Variants in FAM13A observed in about 807,000 individuals in gnomAD.
The protein encoded by FAM13A is protein FAM13A.
In FAM13A, 76 loss-of-function variants were observed where a neutral mutation model predicts 129.6. The ratio of observed to expected loss-of-function variants is 0.59; its 90% CI spans 0.49 to 0.71. The LOEUF (loss-of-function observed/expected upper bound fraction) is 0.71, where lower values mean the gene tolerates loss of function less well. Among genes scored for constraint, FAM13A ranks in the 30% least tolerant of loss-of-function variants. The pLI is 0.00. For missense variants in FAM13A, 1,108 were observed against 1,249.3 expected (o/e 0.89, Z 1.70); for synonymous variants, 443 against 449.9 (o/e 0.98, Z 0.20).
intron 7 of FAM13A, 69 bp downstream of exon 7, chr4:88,850,951 C>T: frequency 7.2e-7 from 1 of 1,385,768 alleles, no homozygotes; most frequent in Non-Finnish European, 1.0e-6. Context: ...GAAATACCTA[C>T]ATATGCGGGC....
At chr4:88,792,375 C>T (rs190971220) in intron 8 of FAM13A, among the ~76,000 whole-genome samples, 8 of 152,184 alleles carry the variant, frequency 5.3e-5, no homozygotes, top group Non-Finnish European at 7.4e-5. Flanking sequence ...TTACTCACTA[C>T]AGTCATCTTT....
In FAM13A at chr4:88,739,037, G is replaced by A; in HGVS notation, c.2555C>T (p.Pro852Leu). 1 of 1,608,888 alleles carries A rather than the reference G, an allele frequency of 6.2e-7. No homozygotes were observed. Among genetic ancestry groups the A allele is most frequent in the Non-Finnish European group, 8.5e-7 (1 of 1,175,302 alleles). Residue 852 changes from proline (P) to leucine (L), a missense_variant, in exon 20 of 24, where the codon CCC becomes CTC. Physicochemically the swap from Pro to Leu is moderately conservative, Grantham distance 98 (BLOSUM62 -3). This residue lies in a region of FAM13A where 529 missense variants were observed against 621.2 expected (regional missense o/e 0.85). Coordinates refer to ENST00000264344, the MANE Select transcript of FAM13A (RefSeq NM_014883.4). ...GGAAGGTATTCTACTCACAATGATG[G>A]GTATGGTGTTAGCTCGGGAGAGGAT... is the stretch of plus-strand genomic sequence containing the variant. ...KQILSRANTI[P>L]IIGSPSSKRR... is the part of the protein sequence containing the mutation.
At position 88,991,028 on chromosome 4, in the gene FAM13A, G is replaced by C. The variant is rs200557032; in HGVS notation, c.550C>G (p.Gln184Glu). The C allele has an allele frequency of 1.2e-6, 2 of 1,613,996 alleles. No individual in the cohort carries two copies. Among genetic ancestry groups the C allele is most frequent in the Non-Finnish European group, 1.7e-6 (2 of 1,179,972 alleles). ...AGATTGTGAACATTCATGCGATTCTGCACATGATGCTTGGCTACTTTTGTC... is the reference window on the plus strand; with the variant it reads ...AGATTGTGAACATTCATGCGATTCTCCACATGATGCTTGGCTACTTTTGTC... Reference protein sequence around the residue: ...FLTKVAKHHVQNRMNVHNLAT... With the variant: ...FLTKVAKHHVENRMNVHNLAT... Residue 184 changes from glutamine to glutamate, a missense_variant, in exon 4 of 24, where the codon CAG (glutamine) becomes GAG (glutamate). Physicochemically the swap from Gln to Glu is conservative, Grantham distance 29 (BLOSUM62 2). Transcript: ENST00000264344.
At chr4:88,795,741 G>C (rs1330713403) in intron 8 of FAM13A, among the ~76,000 whole-genome samples, 2 of 151,828 alleles carry the variant, frequency 1.3e-5, no homozygotes, top group South Asian at 2.1e-4. Context: ...TATTTCATTA[G>C]AATTAGGTTA....
chr4:88,876,376 GAGA>G (rs1742480104), intron 6 of FAM13A, among the ~76,000 whole-genome samples: 2 of 151,932 alleles, frequency 1.3e-5, no homozygotes, highest in African/African-American at 4.8e-5. Flanking sequence ...ATTTTAACTG[GAGA>G]AGAAGATAGT....
At chr4:88,867,256 C>A (rs1179942785) in intron 6 of FAM13A, among the ~76,000 whole-genome samples, 1 of 152,198 alleles carries the variant, frequency 6.6e-6, no homozygotes, top group Non-Finnish European at 1.5e-5. Flanking sequence ...CTGAACAAAG[C>A]TTATCTTAAA....
chr4:89,004,974 T>C (rs545078252), intron 3 of FAM13A, among the ~76,000 whole-genome samples: 16 of 106,696 alleles, frequency 1.5e-4, no homozygotes, highest in African/African-American at 4.4e-4. Context: ...GGTAAACTCA[T>C]GTCATGGTTT....
In FAM13A at chr4:88,938,355, T is replaced by G; in HGVS notation, c.606-114A>C. The G allele has an allele frequency of 4.0e-6, 3 of 744,686 alleles. No homozygotes were observed. The East Asian group carries it at 8.5e-5, about 21-fold the overall frequency. The allele number at this position is 744,686 out of a possible 1,614,324, so 46.1% of individuals were successfully genotyped here. A position where few individuals can be genotyped will look rare whatever the true frequency, so the allele number is the denominator to read the frequency against. ...GAATAATTAGCCTTATAGGGATGCA[T>G]GGGATTTTCAACAAGCTCTTTGGTA... is the stretch of plus-strand genomic sequence containing the variant. On this transcript the variant is annotated intron_variant, in intron 4 of 23. Transcript: ENST00000264344.
At chr4:88,957,481 C>T (rs1186036655) in intron 4 of FAM13A, among the ~76,000 whole-genome samples, 2 of 152,192 alleles carry the variant, frequency 1.3e-5, no homozygotes, top group African/African-American at 4.8e-5. Context: ...GCCAATTAGA[C>T]CTCTTTTCTT....
intron 23 of FAM13A, 57 bp from the exon 24 acceptor site, chr4:88,728,716 C>T: frequency 1.3e-6 from 2 of 1,585,618 alleles, no homozygotes; most frequent in Admixed American, 3.4e-5. Flanking sequence ...TTGCTAGATA[C>T]TATTCATCGG....
rs75557147 is a variant in FAM13A at position 88,956,691 on chromosome 4, T to C, written c.606-18450A>G. Reference sequence around the variant, plus strand: ...GGTCTCAGTAGGCCAAAAAAGTAGGTCTTAACAGGGGTCAGGTCCTTCCTA... The same window carrying C: ...GGTCTCAGTAGGCCAAAAAAGTAGGCCTTAACAGGGGTCAGGTCCTTCCTA... On this transcript the variant is annotated intron_variant, in intron 4 of 23. Transcript: ENST00000264344. 3.0e-3 allele frequency among the ~76,000 whole-genome samples: 460 copies of C among 152,260 alleles called. 5 individuals carry two copies. The highest frequency in any genetic ancestry group is 0.01 in the African/African-American group (436 of 41,546).
At chr4:88,758,700 T>A in intron 14 of FAM13A, 54 bp downstream of exon 14, 1 of 1,545,968 alleles carries the variant, frequency 6.5e-7, no homozygotes, top group Non-Finnish European at 8.8e-7. Context: ...TCATTTGTGC[T>A]TATTTATATA....
intron 23 of FAM13A, among the ~76,000 whole-genome samples, chr4:88,730,490 T>G (rs1737455530): frequency 6.6e-6 from 1 of 152,190 alleles, no homozygotes; most frequent in Non-Finnish European, 1.5e-5. Context: ...CCTCCCGGGT[T>G]CAAGTGATTC....
chr4:89,023,352 T>C (rs1767527198), intron 2 of FAM13A, among the ~76,000 whole-genome samples: 1 of 152,162 alleles, frequency 6.6e-6, no homozygotes. Flanking sequence ...TGTTCCTATA[T>C]TTACCCAGCT....
At chr4:88,861,848 AG>A (rs1739546119) in intron 6 of FAM13A, among the ~76,000 whole-genome samples, 2 of 152,234 alleles carry the variant, frequency 1.3e-5, no homozygotes, top group Non-Finnish European at 1.5e-5. Context: ...CCTATGAAAT[AG>A]GTACTACTAT....
chr4:88,924,163 A>G (rs562051535), intron 5 of FAM13A, among the ~76,000 whole-genome samples: 13 of 152,290 alleles, frequency 8.5e-5, no homozygotes, highest in African/African-American at 3.1e-4. Context: ...CATCCCCATC[A>G]AGCTACCAAT....
intron 1 of FAM13A, among the ~76,000 whole-genome samples, chr4:89,054,316 C>CGT (rs1771957136): frequency 6.6e-6 from 1 of 151,536 alleles, no homozygotes; most frequent in African/African-American, 2.4e-5. Context: ...CACACACACA[C>CGT]ACGTACGTAC....
intron 4 of FAM13A, among the ~76,000 whole-genome samples, chr4:88,971,808 A>C (rs546691961): frequency 3.7e-4 from 57 of 152,260 alleles, no homozygotes; most frequent in South Asian, 6.2e-4. Flanking sequence ...CCGCTCCTGG[A>C]ACACTTCTAC....
chr4:88,943,361 A>G (rs1171588640), intron 4 of FAM13A, among the ~76,000 whole-genome samples: 6 of 152,212 alleles, frequency 3.9e-5, no homozygotes, highest in African/African-American at 1.4e-4. Context: ...TTGAGTTCCA[A>G]TTGTATGGAT....
Sources: allele counts gnomAD v4.1 joint callset (sites outside exome capture counted in the v4.1 genomes callset), GRCh38; gene constraint gnomAD v4.1.1; regional missense constraint gnomAD v4.1.1; transcripts MANE v1.5; gene names NCBI Gene and HGNC (gene_info 2026-07-23, HGNC 2026-07-21).